REDIC1: variants seen among roughly 807,000 people sequenced by gnomAD.
REDIC1 encodes HEI10 Interacting Protein 1.
At chr12:39,639,539 A>G in the REDIC1 span, among the ~76,000 whole-genome samples, 2 of 152,002 alleles carry the variant, frequency 1.3e-5, no homozygotes, top group Non-Finnish European at 2.9e-5. Context: ...CTCAGTTGAC[A>G]TACTTGAAAG....
chr12:39,634,016 T>C, the REDIC1 span, among the ~76,000 whole-genome samples: 8 of 152,200 alleles, frequency 5.3e-5, no homozygotes, highest in Non-Finnish European at 1.2e-4. Context: ...ATAAATTACT[T>C]TGGGCAGTAT....
At chr12:39,799,432 C>T in the REDIC1 span, among the ~76,000 whole-genome samples, 1 of 126,294 alleles carries the variant, frequency 7.9e-6, no homozygotes, top group African/African-American at 2.8e-5. Flanking sequence ...TAATCTCAAC[C>T]ATTAGGATCC....
chr12:39,686,846 G>T, the REDIC1 span, among the ~76,000 whole-genome samples: 1 of 152,170 alleles, frequency 6.6e-6, no homozygotes, highest in African/African-American at 2.4e-5. Flanking sequence ...TTCTTATGAA[G>T]CAGCTGGTCC....
the REDIC1 span, among the ~76,000 whole-genome samples, chr12:39,854,780 T>C: frequency 2.7e-4 from 41 of 152,186 alleles, no homozygotes; most frequent in Non-Finnish European, 5.1e-4. Context: ...TGGTGGCCCT[T>C]TCTCCAGCAG....
At chr12:39,802,930 G>A in the REDIC1 span, among the ~76,000 whole-genome samples, 2 of 152,122 alleles carry the variant, frequency 1.3e-5, no homozygotes, top group Non-Finnish European at 2.9e-5. Flanking sequence ...AAAGCCCTCT[G>A]GGAAGGGCAA....
chr12:39,683,314 G>A, the REDIC1 span: 2 of 1,118,984 alleles, frequency 1.8e-6, no homozygotes, highest in South Asian at 1.4e-5. Flanking sequence ...TTGTGGACCA[G>A]TGGTTTTCCT....
At chr12:39,754,510 AGGAAGACACACAACTAATTAT>A in the REDIC1 span, among the ~76,000 whole-genome samples, 1 of 152,254 alleles carries the variant, frequency 6.6e-6, no homozygotes, top group Middle Eastern at 3.4e-3. Flanking sequence ...AGTCAGGCTC[AGGAAGACACACAACTAATTAT>A]GGACACGTGT....
At chr12:39,692,180 A>ACATGGTTT in the REDIC1 span, 1 of 1,318,884 alleles carries the variant, frequency 7.6e-7, no homozygotes. Flanking sequence ...AAATCAGTTA[A>ACATGGTTT]ATTTGAAGTG....
chr12:39,700,933 G>C, the REDIC1 span, among the ~76,000 whole-genome samples: 1 of 152,010 alleles, frequency 6.6e-6, no homozygotes, highest in Non-Finnish European at 1.5e-5. Flanking sequence ...GCTCCTGAAG[G>C]AAGCACTAAA....
chr12:39,729,988 T>C, the REDIC1 span, among the ~76,000 whole-genome samples: 4 of 152,062 alleles, frequency 2.6e-5, no homozygotes, highest in Admixed American at 2.6e-4. Flanking sequence ...CAGCCCCTGC[T>C]TTTTTTGCTT....
the REDIC1 span, among the ~76,000 whole-genome samples, chr12:39,777,639 G>C: frequency 1.3e-5 from 2 of 152,238 alleles, no homozygotes; most frequent in African/African-American, 2.4e-5. Context: ...CCCTAGCAGG[G>C]AGACACACAG....
At chr12:39,824,647 T>G in the REDIC1 span, among the ~76,000 whole-genome samples, 1 of 152,198 alleles carries the variant, frequency 6.6e-6, no homozygotes, top group East Asian at 1.9e-4. Context: ...ACACTGCTAC[T>G]GCTAAGTGGC....
the REDIC1 span, among the ~76,000 whole-genome samples, chr12:39,785,062 A>G: frequency 6.6e-6 from 1 of 152,242 alleles, no homozygotes; most frequent in African/African-American, 2.4e-5. Flanking sequence ...TTTTCTGGGG[A>G]GAAATTCAAG....
the REDIC1 span, among the ~76,000 whole-genome samples, chr12:39,813,402 T>A: frequency 6.6e-6 from 1 of 152,120 alleles, no homozygotes; most frequent in South Asian, 2.1e-4. Flanking sequence ...TGTAAACACA[T>A]GGCCAATGAC....
the REDIC1 span, among the ~76,000 whole-genome samples, chr12:39,700,102 G>A: frequency 2.1e-4 from 32 of 152,286 alleles, no homozygotes; most frequent in African/African-American, 7.0e-4. Flanking sequence ...TGACTTTGAC[G>A]AGCTGAGAGA....
chr12:39,671,718 T>G, the REDIC1 span, among the ~76,000 whole-genome samples: 2 of 152,030 alleles, frequency 1.3e-5, no homozygotes, highest in East Asian at 1.9e-4. Flanking sequence ...GTGGTGTGTG[T>G]GTGTGGGTGC....
At chr12:39,862,208 T>C in the REDIC1 span, among the ~76,000 whole-genome samples, 1 of 152,224 alleles carries the variant, frequency 6.6e-6, no homozygotes, top group Non-Finnish European at 1.5e-5. Flanking sequence ...GATGTCCTCA[T>C]TGAAAATTAT....
the REDIC1 span, among the ~76,000 whole-genome samples, chr12:39,858,891 G>T: frequency 6.6e-6 from 1 of 152,138 alleles, no homozygotes; most frequent in East Asian, 1.9e-4. Flanking sequence ...CAGGTGTGAC[G>T]CACCGTGCCC....
chr12:39,780,915 A>AAAAT, the REDIC1 span, among the ~76,000 whole-genome samples: 1 of 152,216 alleles, frequency 6.6e-6, no homozygotes, highest in Non-Finnish European at 1.5e-5. Context: ...GCAATTATTT[A>AAAAT]AAATAGAACT....
Sources: gnomAD v4.1 joint callset for allele counts (sites outside exome capture counted in the v4.1 genomes callset) on GRCh38, gnomAD v4.1.1 for gene constraint, MANE v1.5 for transcripts, NCBI Gene and HGNC (gene_info 2026-07-23, HGNC 2026-07-21) for gene names.